The following GPC6 variants were observed in gnomAD, a reference collection of about 807,000 sequenced individuals.
GPC6 encodes the protein glypican-6.
A neutral mutation model predicts 55.2 loss-of-function variants in GPC6; 14 were observed. That is an observed-to-expected ratio of 0.25 (90% CI 0.17 to 0.40). GPC6 has a LOEUF of 0.40. GPC6 is among the 10% of genes least tolerant of loss of function. GPC6 has a pLI of 1.00. For synonymous variants in GPC6, 278 were observed against 259.6 expected (o/e 1.07, Z -0.68); for missense variants, 641 against 708.5 (o/e 0.90, Z 1.08).
intron 4 of GPC6, among the ~76,000 whole-genome samples, chr13:94,072,392 T>C (rs1025245218): frequency 2.6e-5 from 4 of 152,188 alleles, no homozygotes; most frequent in Non-Finnish European, 5.9e-5. Context: ...TCTCACTCTG[T>C]CTTCCAGGCT....
At chr13:93,676,149 A>G (rs1412280310) in intron 2 of GPC6, among the ~76,000 whole-genome samples, 2 of 17,010 alleles carry the variant, frequency 1.2e-4, no homozygotes, top group Non-Finnish European at 1.2e-3. Context: ...ATATATATAT[A>G]TATATATATA....
intron 3 of GPC6, among the ~76,000 whole-genome samples, chr13:93,888,438 C>T (rs111676080): frequency 1.3e-4 from 20 of 152,192 alleles, no homozygotes; most frequent in African/African-American, 3.1e-4. Flanking sequence ...CTGGTAATGT[C>T]CTAGGGAAAA....
intron 1 of GPC6, among the ~76,000 whole-genome samples, chr13:93,525,050 T>A (rs1205248323): frequency 1.3e-5 from 2 of 152,098 alleles, no homozygotes; most frequent in African/African-American, 2.4e-5. Context: ...TGTAGACTCC[T>A]ACTAATATTT....
chr13:93,759,184 C>T lies in GPC6; in HGVS notation c.320-70970C>T, dbSNP rs1387840103. Among the ~76,000 whole-genome samples the T allele has an allele frequency of 2.0e-5, 3 of 152,080 alleles. No individual in the cohort carries two copies. In the East Asian group the frequency reaches 5.8e-4, roughly 29 times the overall value. ...TCTGTTGTATATTTGCTGATTATAA[C>T]ACTTCTCTGGCTACATCATAATATG... On this transcript the variant is annotated intron_variant, in intron 2 of 8. Coordinates refer to ENST00000377047, the MANE Select transcript of GPC6 (RefSeq NM_005708.5).
intron 6 of GPC6, among the ~76,000 whole-genome samples, chr13:94,323,546 A>T (rs1876951933): frequency 6.6e-6 from 1 of 152,190 alleles, no homozygotes; most frequent in Non-Finnish European, 1.5e-5. Flanking sequence ...TAACGTGTGC[A>T]TATGGACATA....
At chr13:93,459,266 A>G (rs2813630) in intron 1 of GPC6, among the ~76,000 whole-genome samples, 59,476 of 151,968 alleles carry the variant, frequency 0.39, 12,355 homozygotes, top group East Asian at 0.65. Flanking sequence ...GGGTCTCACT[A>G]TGTTGGCCAG....
chr13:93,492,906 C>T (rs1240005833), intron 1 of GPC6, among the ~76,000 whole-genome samples: 1 of 142,424 alleles, frequency 7.0e-6, no homozygotes, highest in East Asian at 2.1e-4. Flanking sequence ...TTTTGATGTG[C>T]TGCTGGATTC....
At chr13:93,859,659 T>G (rs1888745177) in intron 3 of GPC6, among the ~76,000 whole-genome samples, 1 of 150,886 alleles carries the variant, frequency 6.6e-6, no homozygotes, top group South Asian at 2.1e-4. Context: ...ATATCTTTTT[T>G]GGGGAGAGCG....
intron 3 of GPC6, among the ~76,000 whole-genome samples, chr13:93,940,448 G>A (rs1878679001): frequency 1.3e-5 from 2 of 151,740 alleles, no homozygotes; most frequent in South Asian, 4.2e-4. Context: ...ATGGATGGAT[G>A]AATGGATGAA....
chr13:93,690,558 A>G (rs375574749), intron 2 of GPC6, among the ~76,000 whole-genome samples: 6 of 152,074 alleles, frequency 3.9e-5, no homozygotes, highest in African/African-American at 1.4e-4. Flanking sequence ...CTACAAGATC[A>G]GGAAACCTAT....
intron 4 of GPC6, among the ~76,000 whole-genome samples, chr13:94,048,708 G>A (rs1343211359): frequency 2.0e-5 from 3 of 152,052 alleles, no homozygotes; most frequent in Admixed American, 2.0e-4. Context: ...GTCGCAGGAG[G>A]CAATGTCTAG....
intron 3 of GPC6, among the ~76,000 whole-genome samples, chr13:93,857,227 A>G (rs1245890656): frequency 1.3e-5 from 2 of 151,622 alleles, no homozygotes; most frequent in African/African-American, 4.8e-5. Flanking sequence ...GCAGCAGGAG[A>G]GAATCAAAGA....
At chr13:93,466,083 A>G (rs1878893112) in intron 1 of GPC6, among the ~76,000 whole-genome samples, 1 of 152,198 alleles carries the variant, frequency 6.6e-6, no homozygotes, top group South Asian at 2.1e-4. Context: ...AAATACAGTA[A>G]TAAGGAAAAG....
chr13:94,086,420 T>C (rs1363570960), intron 4 of GPC6, among the ~76,000 whole-genome samples: 2 of 151,712 alleles, frequency 1.3e-5, no homozygotes, highest in African/African-American at 2.4e-5. Flanking sequence ...ACCCCAGCCA[T>C]AGCACCCCAA....
At chr13:94,050,977 G>T (rs1034478482) in intron 4 of GPC6, among the ~76,000 whole-genome samples, 3 of 152,140 alleles carry the variant, frequency 2.0e-5, no homozygotes, top group African/African-American at 7.2e-5. Flanking sequence ...GTCCCTGCTA[G>T]ATAATCCACT....
intron 3 of GPC6, among the ~76,000 whole-genome samples, chr13:93,931,228 A>G (rs1302440769): frequency 2.0e-5 from 3 of 152,078 alleles, no homozygotes; most frequent in Admixed American, 2.0e-4. Context: ...AATTGTTCAG[A>G]TTTGCAGTGA....
intron 3 of GPC6, among the ~76,000 whole-genome samples, chr13:93,975,818 G>A (rs1261791684): frequency 6.6e-6 from 1 of 152,078 alleles, no homozygotes. Flanking sequence ...TTAAAACGTA[G>A]GTGTGATTAG....
intron 1 of GPC6, among the ~76,000 whole-genome samples, chr13:93,284,273 T>C (rs1490708111): frequency 6.6e-6 from 1 of 152,184 alleles, no homozygotes; most frequent in East Asian, 1.9e-4. Flanking sequence ...ATAATTTTAA[T>C]TGGACACCCA....
intron 4 of GPC6, among the ~76,000 whole-genome samples, chr13:94,225,454 T>C (rs1412937): frequency 0.029 from 4,415 of 152,186 alleles, 218 homozygotes; most frequent in African/African-American, 0.093. Flanking sequence ...TGATGTCTTA[T>C]CCTTCTTAGT....
Sources: allele counts gnomAD v4.1 joint callset (sites outside exome capture counted in the v4.1 genomes callset), GRCh38; gene constraint gnomAD v4.1.1; transcripts MANE v1.5; gene names NCBI Gene and HGNC (gene_info 2026-07-23, HGNC 2026-07-21).